RPS14: variants seen among roughly 807,000 people sequenced by gnomAD.
The protein encoded by RPS14 is ribosomal protein S14.
RPS14 carries 1 observed loss-of-function variant against 15.4 expected under a neutral mutation model. The ratio of observed to expected loss-of-function variants is 0.07; its 90% confidence interval spans 0.02 to 0.31. The LOEUF (loss-of-function observed/expected upper bound fraction) is 0.31. Among genes scored for constraint, RPS14 ranks in the 10% least tolerant of loss-of-function variants. The probability of loss-of-function intolerance (pLI) is 1.00; values close to 1 mark genes in which losing one functional copy is unlikely to be tolerated. For synonymous variants in RPS14, 68 were observed against 74.4 expected, an observed-to-expected ratio of 0.91 and a Z score of 0.44; for missense variants, 69 against 205.5, an observed-to-expected ratio of 0.34 and a Z score of 4.06.
chr5:150,443,749 G>A lies in RPS14; in HGVS notation c.*537C>T, dbSNP rs374675526. 25 of 152,258 alleles carry A rather than the reference G, an allele frequency of 1.6e-4. No homozygotes were observed. Among genetic ancestry groups the A allele is most frequent in the African/African-American group, 5.8e-4 (24 of 41,544 alleles). The allele number at this position is 152,258 out of a possible 1,614,324, so 9.4% of individuals were successfully genotyped here. ...AAAGCAAGAACTTTTCTTTTTTATC[G>A]CTGATGAAAATAGGACTTGGTGTGT... On this transcript the variant is annotated 3_prime_UTR_variant, in exon 5 of 5. Coordinates refer to ENST00000407193, the MANE Select transcript of RPS14 (RefSeq NM_005617.4).
rs1489811600 is a variant in RPS14, at chr5:150,446,008, C to T, written c.312-323G>A. On this transcript the variant is annotated intron_variant, in intron 3 of 4. Coordinates refer to ENST00000407193, the MANE Select transcript of RPS14 (RefSeq NM_005617.4). This position sits in a 1 kb window ranked among gnomAD's most constrained non-coding sequence, Gnocchi z 4.2. ...TCGGGAGGCTGAGGTGGGAGGACTG[C>T]TAGAGCCTGAAAGCCAGAGACTGCA... Among the ~76,000 whole-genome samples the T allele has an allele frequency of 6.6e-6, 1 of 151,986 alleles. No individual in the cohort carries two copies. Among genetic ancestry groups the T allele is most frequent in the Admixed American group, 6.6e-5 (1 of 15,250 alleles).
intron 4 of RPS14, among the ~76,000 whole-genome samples, chr5:150,444,954 C>T (rs1484237508): frequency 6.6e-6 from 1 of 152,110 alleles, no homozygotes; most frequent in East Asian, 1.9e-4. Context: ...GCCCACGAGG[C>T]GAAATTTACA....
chr5:150,444,381 G>C (rs773005914), intron 4 of RPS14, 28 bp from the exon 5 acceptor site: 1 of 1,598,134 alleles, frequency 6.3e-7, no homozygotes, highest in Non-Finnish European at 8.6e-7. Context: ...AAGCGTCATT[G>C]CCTGGAGCTG....
intron 1 of RPS14, chr5:150,448,840 G>A (rs760826805): frequency 6.6e-6 from 1 of 152,212 alleles, no homozygotes; most frequent in Non-Finnish European, 1.5e-5. Context: ...TACTTCAAGT[G>A]TAAGTCTTGG....
At chr5:150,445,452 T>C in intron 4 of RPS14, 157 bp downstream of exon 4, 1 of 728,952 alleles carries the variant, frequency 1.4e-6, no homozygotes, top group Non-Finnish European at 2.5e-6. Context: ...CAGGGAGAGA[T>C]TTTTAAGTCA....
chr5:150,447,980 C>T, intron 1 of RPS14: 2 of 471,032 alleles, frequency 4.2e-6, no homozygotes, highest in Non-Finnish European at 7.7e-6. Context: ...CTACCAACAG[C>T]TCAGCTCACA....
Position 150,444,307 on chromosome 5 carries a change from A to AC in RPS14, c.434dup (p.Arg146SerfsTer17). 6.2e-7 allele frequency: 1 copy of AC among 1,607,828 alleles called. No individual in the cohort carries two copies. Among genetic ancestry groups the AC allele is most frequent in the Non-Finnish European group, 8.5e-7 (1 of 1,176,214 alleles). On this transcript the variant is annotated frameshift_variant, in exon 5 of 5. Coordinates refer to ENST00000407193, the MANE Select transcript of RPS14 (RefSeq NM_005617.4). LOFTEE classifies it high-confidence loss of function. ...TTGTTCACAGACGGCGACCACGGCG[A>AC]CCCCCCTTCCTGCGAGTGCTGTCAG...
rs1379512625 is a variant in RPS14, at chr5:150,444,322, A to C, written c.420T>G (p.Thr140=). Residue 140 remains threonine, a synonymous_variant, in exon 5 of 5, where the codon ACT becomes ACG. Coordinates refer to ENST00000407193, the MANE Select transcript of RPS14 (RefSeq NM_005617.4). The part of the protein sequence containing the change: ...EDVTPIPSDS[T]RRKGGRRGRR... ...GACCACGGCGACCCCCCTTCCTGCG[A>C]GTGCTGTCAGAGGGGATGGGGGTGA... is the stretch of plus-strand genomic sequence containing the variant. The C allele has an allele frequency of 6.2e-7, 1 of 1,611,414 alleles. No homozygotes were observed. Among genetic ancestry groups the C allele is most frequent in the African/African-American group, 1.3e-5 (1 of 74,930 alleles).
Position 150,445,736 on chromosome 5 carries a change from A to G in RPS14, c.312-51T>C, listed in dbSNP as rs190780492. On this transcript the variant is annotated intron_variant, in intron 3 of 4. Coordinates refer to ENST00000407193, the MANE Select transcript of RPS14 (RefSeq NM_005617.4). ...AAGAGCCTTTGGCCAAGTCAATGGAAGATCTCCTTTCTAAGATCCCAACAC... is the reference window on the plus strand; with the variant it reads ...AAGAGCCTTTGGCCAAGTCAATGGAGGATCTCCTTTCTAAGATCCCAACAC... 8,315 of 1,417,358 alleles carry G rather than the reference A, an allele frequency of 5.9e-3. 49 individuals are homozygous for G. The highest frequency in any genetic ancestry group is 9.3e-3 in the Middle Eastern group (53 of 5,682). 87.8% of individuals were successfully genotyped at this position (1,417,358 alleles called of 1,614,324 possible). A position where few individuals can be genotyped will look rare whatever the true frequency, so the allele number is the denominator to read the frequency against.
Position 150,444,339 on chromosome 5 carries a change from T to C in RPS14, c.403A>G (p.Ile135Val), listed in dbSNP as rs1464621224. 4 of 1,610,568 alleles carry C rather than the reference T, an allele frequency of 2.5e-6. No homozygotes were observed. The highest frequency in any genetic ancestry group is 2.5e-6 in the Non-Finnish European group (3 of 1,177,858). Residue 135 changes from isoleucine to valine, a missense_variant, in exon 5 of 5, where the codon ATC becomes GTC. Coordinates refer to ENST00000407193, the MANE Select transcript of RPS14 (RefSeq NM_005617.4). ...TTCCTGCGAGTGCTGTCAGAGGGGA[T>C]GGGGGTGACATCCTCTGTGGGGAGG... is the stretch of plus-strand genomic sequence containing the variant. ...KIGRIEDVTP[I>V]PSDSTRRKGG...
chr5:150,444,228 G>A lies in RPS14; in HGVS notation c.*58C>T, dbSNP rs78589669. 3.0e-3 allele frequency: 4,645 copies of A among 1,566,640 alleles called. 139 individuals carry two copies. The African/African-American group carries it at 0.054, about 18-fold the overall frequency. On this transcript the variant is annotated 3_prime_UTR_variant, in exon 5 of 5. Transcript: ENST00000407193. ...CCCTGATGAAGGAGAGAAGGCTGGA[G>A]TTGAAACAGTTTACATGAAGGCAAT...
chr5:150,445,403 A>G (rs1771061999), intron 4 of RPS14: 5 of 702,172 alleles, frequency 7.1e-6, no homozygotes, highest in Non-Finnish European at 1.3e-5. Context: ...GAGATTCACA[A>G]ATGAAACAGG....
chr5:150,447,131 CTCAG>C (rs1035089551), intron 2 of RPS14, 168 bp from the exon 3 acceptor site: 20 of 662,024 alleles, frequency 3.0e-5, no homozygotes, highest in Non-Finnish European at 4.7e-5. Context: ...TATAGCTATA[CTCAG>C]TATTAACATT....
intron 2 of RPS14, 103 bp from the exon 3 acceptor site, chr5:150,447,066 A>G (rs532090264): frequency 7.2e-7 from 1 of 1,393,886 alleles, no homozygotes; most frequent in African/African-American, 1.4e-5. Flanking sequence ...GTGGAGGATG[A>G]TGGTCATGGG....
Position 150,445,702 on chromosome 5 carries a change from T to G in RPS14, c.312-17A>C. 1 of 1,600,018 alleles carries G rather than the reference T, an allele frequency of 6.2e-7. No homozygotes were observed. ...GTCTTGGTCCTAGAAAATGAAGGTT[T>G]AAGTTAAGAAGAGCCTTTGGCCAAG... On this transcript the variant is annotated splice_polypyrimidine_tract_variant and intron_variant, in intron 3 of 4. Transcript: ENST00000407193.
In RPS14 at chr5:150,447,705, T is replaced by C. The variant is rs1412974229; in HGVS notation, c.29A>G (p.Lys10Arg). The part of the protein sequence containing the change: MAPRKGKEK[K>R]EEQVISLGPQ... ...TCCGAGGCTGATGACCTGTTCTTCC[T>C]TCTTTTCCTTCCCCTTTCGAGGTGC... Residue 10 changes from lysine to arginine, a missense_variant, in exon 2 of 5, where the codon AAG (lysine) becomes AGG (arginine). Lys to Arg is a conservative substitution (Grantham distance 26). Transcript: ENST00000407193. The C allele has an allele frequency of 1.2e-6, 2 of 1,614,134 alleles. No individual in the cohort carries two copies. Among genetic ancestry groups the C allele is most frequent in the South Asian group, 2.2e-5 (2 of 91,080 alleles).
intron 3 of RPS14, among the ~76,000 whole-genome samples, chr5:150,445,951 G>A (rs984603018): frequency 1.4e-4 from 21 of 152,142 alleles, no homozygotes; most frequent in Admixed American, 3.9e-4. Context: ...TTAGCCAGGC[G>A]TGGTGGCACT....
chr5:150,444,842 A>G (rs1187308852), intron 4 of RPS14, among the ~76,000 whole-genome samples: 2 of 150,964 alleles, frequency 1.3e-5, no homozygotes, highest in Non-Finnish European at 2.9e-5. Context: ...CCTGGGCAAC[A>G]TGGTGAAACT....
chr5:150,445,789 T>G, intron 3 of RPS14, 104 bp from the exon 4 acceptor site: 2 of 878,748 alleles, frequency 2.3e-6, no homozygotes, highest in African/African-American at 3.4e-5. Flanking sequence ...CTGCAAACTT[T>G]CTGTAAAGAG....
Sources: allele counts gnomAD v4.1 joint callset (sites outside exome capture counted in the v4.1 genomes callset), GRCh38; gene constraint gnomAD v4.1.1; non-coding constraint Gnocchi (gnomAD v3.1); transcripts MANE v1.5; gene names NCBI Gene and HGNC (gene_info 2026-07-23, HGNC 2026-07-21).